The following CPEB2 variants were observed in gnomAD, a reference collection of about 807,000 sequenced individuals.
CPEB2 encodes cytoplasmic polyadenylation element-binding protein 2.
In CPEB2, 56 loss-of-function variants were observed where a neutral mutation model predicts 93.6. The observed-to-expected ratio is 0.60, with a 90% CI of 0.48 to 0.75. The LOEUF is 0.75. Among genes scored for constraint, CPEB2 ranks in the 30% least tolerant of loss-of-function variants. CPEB2 has a pLI of 0.00. For synonymous variants in CPEB2, 764 were observed against 586.3 expected (o/e 1.30, Z -4.38); for missense variants, 1,579 against 1,395.1 (o/e 1.13, Z -2.10).
chr4:15,027,636 A>G (rs975588930), intron 4 of CPEB2, among the ~76,000 whole-genome samples: 3 of 152,232 alleles, frequency 2.0e-5, no homozygotes, highest in East Asian at 3.8e-4. Context: ...TATGAAAACA[A>G]TATTGGAAGA....
intron 3 of CPEB2, among the ~76,000 whole-genome samples, chr4:15,013,750 T>C (rs1723778666): frequency 1.3e-5 from 2 of 152,126 alleles, no homozygotes; most frequent in South Asian, 4.1e-4. Flanking sequence ...AAGGCTGTTT[T>C]ATGTTTGTTG....
rs770351211 is a variant in CPEB2 at position 15,007,536 on chromosome 4, GATA to G, written c.1897_1899del (p.Asn633del). On this transcript the variant is annotated inframe_deletion, in exon 2 of 12. Coordinates refer to ENST00000538197, the MANE Select transcript of CPEB2 (RefSeq NM_001177382.2). ...ACTGACTCCAAAATCTTGGATTGAAGATAATGTGTTCAGAACAGACAACAATAG... is the reference window on the plus strand; with the variant it reads ...ACTGACTCCAAAATCTTGGATTGAAGATGTGTTCAGAACAGACAACAATAG... 16 of 1,613,472 alleles carry G rather than the reference GATA, an allele frequency of 9.9e-6. No homozygotes were observed. In the South Asian group the frequency reaches 1.6e-4, roughly 17 times the overall value.
At chr4:15,004,829 A>G (rs909457313) in intron 1 of CPEB2, 2 of 151,734 alleles carry the variant, frequency 1.3e-5, no homozygotes, top group Non-Finnish European at 2.9e-5. Context: ...CGGCCGTGGG[A>G]AGTGAACTTG....
In CPEB2 at chr4:15,068,411, A is replaced by C. The variant is rs1729860084; in HGVS notation, c.*2031A>C. 6.6e-6 allele frequency: 1 copy of C among 152,106 alleles called. No individual in the cohort carries two copies. Among genetic ancestry groups the C allele is most frequent in the South Asian group, 2.1e-4 (1 of 4,834 alleles). The allele number at this position is 152,106 out of a possible 1,614,324, so 9.4% of individuals were successfully genotyped here. On this transcript the variant is annotated 3_prime_UTR_variant, in exon 12 of 12. Transcript: ENST00000538197. ...AGATTTTTTGGAGTATTCTTTTCTA[A>C]CCTTAACCCTGCCAAACCTTGATCC... is the stretch of plus-strand genomic sequence containing the variant.
intron 3 of CPEB2, among the ~76,000 whole-genome samples, chr4:15,016,714 A>C (rs987567329): frequency 1.3e-4 from 20 of 152,102 alleles, no homozygotes; most frequent in Non-Finnish European, 2.2e-4. Flanking sequence ...AATTCAGACT[A>C]CTATGTCAGA....
chr4:15,040,086 A>C (rs555884148), intron 5 of CPEB2, among the ~76,000 whole-genome samples: 2 of 152,154 alleles, frequency 1.3e-5, no homozygotes, highest in Non-Finnish European at 2.9e-5. Context: ...AGTAGAAAAA[A>C]TAAGCATTTA....
At chr4:15,061,885 GT>G (rs902080842) in intron 10 of CPEB2, among the ~76,000 whole-genome samples, 193 bp from the exon 11 acceptor site, 1 of 148,652 alleles carries the variant, frequency 6.7e-6, no homozygotes, top group Non-Finnish European at 1.5e-5. Context: ...AGATGTGATG[GT>G]GGTGAGTCAC....
intron 10 of CPEB2, among the ~76,000 whole-genome samples, chr4:15,060,099 G>A (rs1159483517): frequency 6.6e-6 from 1 of 152,118 alleles, no homozygotes; most frequent in Non-Finnish European, 1.5e-5. Flanking sequence ...GTAGGATCAG[G>A]GTGGTAGCAG....
chr4:15,028,490 G>A (rs540314143), intron 4 of CPEB2, among the ~76,000 whole-genome samples: 30 of 152,074 alleles, frequency 2.0e-4, no homozygotes, highest in Admixed American at 1.6e-3. Context: ...TATATGCTAC[G>A]CTTTGTTTTA....
chr4:15,013,147 GTGTT>G (rs1394022064), intron 3 of CPEB2, among the ~76,000 whole-genome samples: 28 of 143,856 alleles, frequency 1.9e-4, no homozygotes, highest in Non-Finnish European at 2.3e-4. Flanking sequence ...ACTCCTGTAA[GTGTT>G]TGTGGCAAAT....
chr4:15,045,064 A>G (rs1727528596), intron 6 of CPEB2, among the ~76,000 whole-genome samples: 1 of 152,182 alleles, frequency 6.6e-6, no homozygotes, highest in South Asian at 2.1e-4. Context: ...TTACCTTAAT[A>G]TGGCCTTTGG....
intron 10 of CPEB2, among the ~76,000 whole-genome samples, chr4:15,060,619 G>C (rs554360667): frequency 6.6e-6 from 1 of 152,110 alleles, no homozygotes; most frequent in African/African-American, 2.4e-5. Flanking sequence ...AGAAGGAGCA[G>C]ATAGGGAGGG....
At position 15,002,484 on chromosome 4, in the gene CPEB2, ACGG is replaced by A. The variant is rs907564636; in HGVS notation, c.-175_-173del. The stretch of plus-strand genomic sequence containing the variant: ...GGCCAGGGCGGCTACGGCGACTGCG[ACGG>A]CGGCGGCGGCGGCGATCGCCGCGAG... On this transcript the variant is annotated 5_prime_UTR_variant, in exon 1 of 12. Transcript: ENST00000538197. 1.5e-4 allele frequency: 71 copies of A among 487,452 alleles called. No individual in the cohort carries two copies. The highest frequency in any genetic ancestry group is 1.0e-3 in the Middle Eastern group (2 of 1,918). The allele number at this position is 487,452 out of a possible 1,614,324, so 30.2% of individuals were successfully genotyped here.
Position 15,004,073 on chromosome 4 carries a change from C to T in CPEB2, c.1400C>T (p.Pro467Leu). ...MNPAFFPSFS[P>L]VSPHGCTGLS... ...CCGGCCTTCTTCCCTAGCTTCTCGC[C>T]CGTGTCGCCGCACGGCTGCACTGGG... Residue 467 changes from proline (P) to leucine (L), a missense_variant, in exon 1 of 12, where the codon CCC (proline) becomes CTC (leucine). Around this residue, in one of 2 missense-constraint regions of CPEB2, gnomAD observed 1,411 missense variants for 1,056.0 expected, o/e 1.34. Transcript: ENST00000538197. 5 of 1,566,614 alleles carry T rather than the reference C, an allele frequency of 3.2e-6. No homozygotes were observed. The highest frequency in any genetic ancestry group is 4.3e-6 in the Non-Finnish European group (5 of 1,159,368).
At position 15,007,309 on chromosome 4, in the gene CPEB2, T is replaced by A. The variant is rs1334555568; in HGVS notation, c.1667T>A (p.Leu556His). 42 of 1,489,126 alleles carry A rather than the reference T, an allele frequency of 2.8e-5. No homozygotes were observed. The highest frequency in any genetic ancestry group is 3.7e-5 in the Non-Finnish European group (41 of 1,111,026). 92.2% of individuals were successfully genotyped at this position (1,489,126 alleles called of 1,614,324 possible). A position where few individuals can be genotyped will look rare whatever the true frequency, so the allele number is the denominator to read the frequency against. ...QRNSYNHHQP[L>H]LKQSPWSNHQ... The stretch of plus-strand genomic sequence containing the variant: ...AAATAGCTATGTTTTCCCTAGCCTC[T>A]TCTGAAACAGTCTCCCTGGAGCAAC... Residue 556 changes from leucine (L) to histidine (H), a missense_variant, in exon 2 of 12, where the codon CTT becomes CAT. Physicochemically the swap from Leu to His is moderately conservative, Grantham distance 99. This residue lies in a region of CPEB2 where 1,411 missense variants were observed against 1,056.0 expected (regional missense o/e 1.34). Coordinates refer to ENST00000538197, the MANE Select transcript of CPEB2 (RefSeq NM_001177382.2).
intron 10 of CPEB2, among the ~76,000 whole-genome samples, chr4:15,061,738 G>A (rs1188884564): frequency 6.8e-6 from 1 of 146,564 alleles, no homozygotes; most frequent in Non-Finnish European, 1.5e-5. Flanking sequence ...GGGGAGAATT[G>A]CTGAAGCAGT....
intron 5 of CPEB2, 111 bp from the exon 6 acceptor site, chr4:15,040,353 A>C: frequency 2.1e-6 from 2 of 933,438 alleles, no homozygotes; most frequent in South Asian, 3.0e-5. Flanking sequence ...CTTAAAACAA[A>C]GTAGCACTAA....
chr4:15,058,705 A>G (rs1179079915), intron 9 of CPEB2, among the ~76,000 whole-genome samples, 166 bp downstream of exon 9: 2 of 152,186 alleles, frequency 1.3e-5, no homozygotes, highest in Non-Finnish European at 1.5e-5. Context: ...TGGGCAGTGG[A>G]CCAGTACTGG....
At chr4:15,061,537 A>C (rs1729189956) in intron 10 of CPEB2, among the ~76,000 whole-genome samples, 1 of 151,742 alleles carries the variant, frequency 6.6e-6, no homozygotes, top group Admixed American at 6.6e-5. Context: ...CTGGTTAGAA[A>C]AAGAGTTGAA....
Sources: allele counts gnomAD v4.1 joint callset (sites outside exome capture counted in the v4.1 genomes callset), GRCh38; gene constraint gnomAD v4.1.1; regional missense constraint gnomAD v4.1.1; transcripts MANE v1.5; gene names NCBI Gene and HGNC (gene_info 2026-07-23, HGNC 2026-07-21).